USP49: variants seen among roughly 807,000 people sequenced by gnomAD.
USP49 encodes the protein ubiquitin specific peptidase 49.
In USP49, 24 loss-of-function variants were observed where a neutral mutation model predicts 58.6. That is an observed-to-expected ratio of 0.41 (90% confidence interval 0.30 to 0.58). The LOEUF (loss-of-function observed/expected upper bound fraction) is 0.58, where lower values mean the gene tolerates loss of function less well. USP49 is among the 20% of genes least tolerant of loss of function. The pLI is 0.30. For missense variants in USP49, 703 were observed against 866.1 expected (o/e 0.81, Z 2.36); for synonymous variants, 408 against 365.1 (o/e 1.12, Z -1.34).
At chr6:41,837,852 G>C (rs1773754579) in intron 3 of USP49, among the ~76,000 whole-genome samples, 1 of 152,164 alleles carries the variant, frequency 6.6e-6, no homozygotes, top group African/African-American at 2.4e-5. Context: ...CATATGAAAA[G>C]AATGCTCAGC....
intron 2 of USP49, among the ~76,000 whole-genome samples, chr6:41,888,095 T>G (rs996199323): frequency 2.3e-5 from 3 of 132,050 alleles, no homozygotes; most frequent in Non-Finnish European, 4.7e-5. Flanking sequence ...CACTCTGTCA[T>G]CCAGGCTGGA....
intron 3 of USP49, among the ~76,000 whole-genome samples, chr6:41,841,202 G>A (rs949143274): frequency 1.3e-5 from 2 of 151,466 alleles, no homozygotes; most frequent in East Asian, 3.9e-4. Flanking sequence ...TACTATCCCC[G>A]CAACCCAGAA....
chr6:41,859,525 T>C lies in USP49; in HGVS notation c.-29+12039A>G, dbSNP rs189274577. Reference sequence around the variant, plus strand: ...CAGCATCTACCATGCTGTACTGTAATTGTCTGTCTGCTTGACTGTGTCCCA... The same window carrying C: ...CAGCATCTACCATGCTGTACTGTAACTGTCTGTCTGCTTGACTGTGTCCCA... On this transcript the variant is annotated intron_variant, in intron 3 of 7. Coordinates refer to ENST00000682992, the MANE Select transcript of USP49 (RefSeq NM_001286554.2). Among the ~76,000 whole-genome samples the C allele has an allele frequency of 1.2e-4, 18 of 152,276 alleles. No individual in the cohort carries two copies. The East Asian group carries it at 3.3e-3, about 28-fold the overall frequency.
rs34281670 is a variant in USP49 at position 41,817,150 on chromosome 6, C to CTTTTTTTTTTT, written c.-28-10150_-28-10140dup. Among the ~76,000 whole-genome samples the CTTTTTTTTTTT allele has an allele frequency of 5.6e-3, 581 of 104,316 alleles. 47 individuals are homozygous for CTTTTTTTTTTT. The highest frequency in any genetic ancestry group is 0.023 in the African/African-American group (513 of 22,540). 68.4% of individuals were successfully genotyped at this position (104,316 alleles called of 152,430 possible). A position where few individuals can be genotyped will look rare whatever the true frequency, so the allele number is the denominator to read the frequency against. On this transcript the variant is annotated intron_variant, in intron 3 of 7. Transcript: ENST00000682992. ...CCACCACGCCTGGCTCCCACGCATG[C>CTTTTTTTTTTT]TTTTTTTTTTTTTTTTTGAGACAGA...
At chr6:41,865,667 C>T (rs980194777) in intron 3 of USP49, among the ~76,000 whole-genome samples, 1 of 151,808 alleles carries the variant, frequency 6.6e-6, no homozygotes, top group African/African-American at 2.4e-5. Context: ...GAGACAGGGT[C>T]TTGCTCTGTT....
At position 41,861,042 on chromosome 6, in the gene USP49, T is replaced by C. The variant is rs140579057; in HGVS notation, c.-29+10522A>G. On this transcript the variant is annotated intron_variant, in intron 3 of 7. Transcript: ENST00000682992. ...TACTCGGGAGGCTGAGGCAGGAGAA[T>C]TGCTTGAACCAGGAGGTGGAGGTTG... 6.8e-3 allele frequency among the ~76,000 whole-genome samples: 1,032 copies of C among 152,024 alleles called. 12 individuals are homozygous for C. The highest frequency in any genetic ancestry group is 0.023 in the African/African-American group (970 of 41,464).
chr6:41,820,164 A>T (rs1159024607), intron 3 of USP49, among the ~76,000 whole-genome samples: 1 of 142,504 alleles, frequency 7.0e-6, no homozygotes, highest in Non-Finnish European at 1.5e-5. Context: ...TACTGTCTGT[A>T]TCTAGCTACA....
chr6:41,839,002 T>A (rs1339236957), intron 3 of USP49, among the ~76,000 whole-genome samples: 1 of 152,182 alleles, frequency 6.6e-6, no homozygotes, highest in East Asian at 1.9e-4. Context: ...GATGGAAATT[T>A]AAAAAATTCT....
chr6:41,889,281 C>T (rs1774771259), intron 2 of USP49, among the ~76,000 whole-genome samples: 1 of 152,054 alleles, frequency 6.6e-6, no homozygotes, highest in South Asian at 2.1e-4. Flanking sequence ...GATCCACCTG[C>T]CTCAGCCTCC....
chr6:41,817,294 C>A (rs1773371948), intron 3 of USP49, among the ~76,000 whole-genome samples: 1 of 149,332 alleles, frequency 6.7e-6, no homozygotes, highest in Non-Finnish European at 1.5e-5. Flanking sequence ...ACTACAGGCA[C>A]ACACCACCAT....
rs1773210866 is a variant in USP49, at chr6:41,809,671, A to G, written c.-28-2660T>C. Among the ~76,000 whole-genome samples the G allele has an allele frequency of 2.7e-5, 4 of 150,606 alleles. No homozygotes were observed. The South Asian group carries it at 8.4e-4, about 32-fold the overall frequency. Reference sequence around the variant, plus strand: ...GAAACCCCAACTCTACTAAAAATACAAAAAATTAGCCAGGCGTGGTGGTGG... The same window carrying G: ...GAAACCCCAACTCTACTAAAAATACGAAAAATTAGCCAGGCGTGGTGGTGG... On this transcript the variant is annotated intron_variant, in intron 3 of 7. Coordinates refer to ENST00000682992, the MANE Select transcript of USP49 (RefSeq NM_001286554.2).
intron 3 of USP49, among the ~76,000 whole-genome samples, chr6:41,830,242 T>C (rs1773611239): frequency 6.6e-6 from 1 of 152,238 alleles, no homozygotes; most frequent in African/African-American, 2.4e-5. Flanking sequence ...AATTCTTCTA[T>C]GGTTTATCTG....
intron 3 of USP49, among the ~76,000 whole-genome samples, chr6:41,860,927 C>T (rs936499490): frequency 9.2e-5 from 14 of 151,434 alleles, no homozygotes; most frequent in African/African-American, 3.2e-4. Context: ...CTCAGGAGTT[C>T]GAGACCAGCC....
At chr6:41,888,641 C>CG (rs1385967637) in intron 2 of USP49, among the ~76,000 whole-genome samples, 1 of 151,772 alleles carries the variant, frequency 6.6e-6, no homozygotes, top group Non-Finnish European at 1.5e-5. Flanking sequence ...TTAGTAGAGA[C>CG]GGGGTTTCTC....
intron 3 of USP49, among the ~76,000 whole-genome samples, chr6:41,841,668 A>C (rs566760033): frequency 3.9e-5 from 6 of 152,280 alleles, no homozygotes; most frequent in Non-Finnish European, 8.8e-5. Context: ...TCTTAGGTGG[A>C]CCTATTCCCA....
At chr6:41,830,338 G>A (rs538997327) in intron 3 of USP49, among the ~76,000 whole-genome samples, 10 of 152,298 alleles carry the variant, frequency 6.6e-5, no homozygotes, top group East Asian at 3.9e-4. Context: ...ATATAGCTAA[G>A]TTCAGATGAA....
chr6:41,888,717 G>C (rs1774760483), intron 2 of USP49, among the ~76,000 whole-genome samples: 1 of 151,298 alleles, frequency 6.6e-6, no homozygotes, highest in African/African-American at 2.4e-5. Flanking sequence ...CCTCCCAAAG[G>C]GCTGGGATTA....
chr6:41,837,666 C>A (rs559599187), intron 3 of USP49, among the ~76,000 whole-genome samples: 3 of 152,232 alleles, frequency 2.0e-5, no homozygotes, highest in East Asian at 1.9e-4. Flanking sequence ...GCAGAGTGAA[C>A]AGACAACCCA....
At chr6:41,869,097 T>TA (rs1280333821) in intron 3 of USP49, among the ~76,000 whole-genome samples, 1 of 150,552 alleles carries the variant, frequency 6.6e-6, no homozygotes, top group African/African-American at 2.4e-5. Flanking sequence ...TTTTTTTTTT[T>TA]AATTTTAACA....
Sources: gnomAD v4.1 joint callset for allele counts (sites outside exome capture counted in the v4.1 genomes callset) on GRCh38, gnomAD v4.1.1 for gene constraint, MANE v1.5 for transcripts, NCBI Gene and HGNC (gene_info 2026-07-23, HGNC 2026-07-21) for gene names.